SRRM4: variants seen among roughly 807,000 people sequenced by gnomAD.
The protein encoded by SRRM4 is serine/arginine repetitive matrix protein 4.
A neutral mutation model predicts 68.9 loss-of-function variants in SRRM4; 33 were observed. The ratio of observed to expected loss-of-function variants is 0.48; its 90% CI spans 0.36 to 0.64. SRRM4 has a LOEUF of 0.64. Among genes scored for constraint, SRRM4 ranks in the 30% least tolerant of loss-of-function variants. The probability of loss-of-function intolerance (pLI) is 0.00; values close to 1 mark genes in which losing one functional copy is unlikely to be tolerated. For missense variants in SRRM4, 817 were observed against 827.1 expected (o/e 0.99, Z 0.15); for synonymous variants, 318 against 318.8 (o/e 1.00, Z 0.03).
chr12:119,100,367 G>C (rs1954071469), intron 1 of SRRM4, among the ~76,000 whole-genome samples: 1 of 150,146 alleles, frequency 6.7e-6, no homozygotes, highest in African/African-American at 2.5e-5. Context: ...GTGTGTAACT[G>C]TGGTCCCAGC....
At chr12:119,052,731 T>C (rs1251617222) in intron 1 of SRRM4, among the ~76,000 whole-genome samples, 1 of 152,112 alleles carries the variant, frequency 6.6e-6, no homozygotes, top group Non-Finnish European at 1.5e-5. Flanking sequence ...GGTTTCACCG[T>C]GTTAGCCAGA....
chr12:119,041,559 T>C (rs1011352544), intron 1 of SRRM4, among the ~76,000 whole-genome samples: 15 of 152,228 alleles, frequency 9.9e-5, no homozygotes, highest in East Asian at 5.8e-4. Flanking sequence ...ATGGATCCCA[T>C]GGACATTTCA....
chr12:119,137,213 T>A (rs1014532453), intron 8 of SRRM4, among the ~76,000 whole-genome samples: 1 of 151,478 alleles, frequency 6.6e-6, no homozygotes, highest in African/African-American at 2.4e-5. Context: ...GAAAAAAAAA[T>A]GTATAGCCGC....
At chr12:118,982,084 G>A in intron 1 of SRRM4, 71 bp downstream of exon 1, 1 of 1,518,010 alleles carries the variant, frequency 6.6e-7, no homozygotes, top group East Asian at 2.5e-5. Flanking sequence ...AGAGCCCGGA[G>A]GGGTGGATGC....
intron 1 of SRRM4, among the ~76,000 whole-genome samples, chr12:118,995,654 G>A (rs568802943): frequency 2.0e-5 from 3 of 152,186 alleles, no homozygotes; most frequent in Non-Finnish European, 4.4e-5. Flanking sequence ...TTTCTTGAGT[G>A]AGAAATTTGG....
Position 119,125,484 on chromosome 12 carries a change from C to CA in SRRM4, c.614+5_614+6insA, listed in dbSNP as rs1954252549. 1 of 1,508,100 alleles carries CA rather than the reference C, an allele frequency of 6.6e-7. No homozygotes were observed. Among genetic ancestry groups the CA allele is most frequent in the African/African-American group, 1.9e-5 (1 of 53,252 alleles). 93.4% of individuals were successfully genotyped at this position (1,508,100 alleles called of 1,614,324 possible). A position where few individuals can be genotyped will look rare whatever the true frequency, so the allele number is the denominator to read the frequency against. On this transcript the variant is annotated splice_donor_region_variant and intron_variant, in intron 7 of 12. Transcript: ENST00000267260. ...CCCCTCAAGCTGTGAGAGCAGGTAA[C>CA]CCCTTGCCCCAGGATCCTCTTCTGT... is the stretch of plus-strand genomic sequence containing the variant.
intron 1 of SRRM4, among the ~76,000 whole-genome samples, chr12:119,084,881 G>A (rs1179752893): frequency 6.6e-6 from 1 of 152,140 alleles, no homozygotes; most frequent in Non-Finnish European, 1.5e-5. Flanking sequence ...GGTGAATGAT[G>A]CCAGTTTTTA....
chr12:119,149,573 C>G (rs1226863287), intron 9 of SRRM4, among the ~76,000 whole-genome samples: 1 of 151,894 alleles, frequency 6.6e-6, no homozygotes, highest in Admixed American at 6.6e-5. Flanking sequence ...CCAACCCAGA[C>G]AGGGGACGGG....
intron 1 of SRRM4, among the ~76,000 whole-genome samples, chr12:119,040,765 G>A (rs1346271970): frequency 6.6e-6 from 1 of 151,928 alleles, no homozygotes; most frequent in African/African-American, 2.4e-5. Context: ...TTATTTTGGA[G>A]GGATGGAGTC....
At chr12:119,010,427 C>T (rs1191332701) in intron 1 of SRRM4, among the ~76,000 whole-genome samples, 1 of 152,128 alleles carries the variant, frequency 6.6e-6, no homozygotes, top group East Asian at 1.9e-4. Flanking sequence ...AAGTGTCAGC[C>T]CTTACATGGG....
chr12:118,995,596 C>T (rs906691678), intron 1 of SRRM4, among the ~76,000 whole-genome samples: 11 of 152,078 alleles, frequency 7.2e-5, no homozygotes, highest in Non-Finnish European at 1.0e-4. Context: ...GAATGCTTTC[C>T]GGAAACAAGT....
At chr12:119,117,475 G>A (rs1393755112) in intron 4 of SRRM4, among the ~76,000 whole-genome samples, 2 of 152,164 alleles carry the variant, frequency 1.3e-5, no homozygotes, top group Non-Finnish European at 2.9e-5. Context: ...TTGCATGCTA[G>A]AGAATGAGAT....
chr12:119,138,847 T>C (rs1954346938), intron 8 of SRRM4, among the ~76,000 whole-genome samples: 1 of 152,060 alleles, frequency 6.6e-6, no homozygotes, highest in Non-Finnish European at 1.5e-5. Flanking sequence ...ACCCCGAAAG[T>C]AGGCTTTTAT....
intron 1 of SRRM4, among the ~76,000 whole-genome samples, chr12:119,006,534 G>T (rs1240620366): frequency 2.0e-5 from 3 of 152,142 alleles, no homozygotes; most frequent in Non-Finnish European, 4.4e-5. Context: ...CCACCCCATT[G>T]CCCTGAGCTC....
chr12:119,066,318 T>C lies in SRRM4; in HGVS notation c.132-35918T>C, dbSNP rs545672671. Among the ~76,000 whole-genome samples the C allele has an allele frequency of 5.9e-5, 9 of 152,322 alleles. No individual in the cohort carries two copies. The South Asian group carries it at 1.4e-3, about 25-fold the overall frequency. The stretch of plus-strand genomic sequence containing the variant: ...GTGTTGACATTACCAATCCCATTTA[T>C]AGATGGAAAGAAAAAACCTCAATGA... On this transcript the variant is annotated intron_variant, in intron 1 of 12. Transcript: ENST00000267260.
At chr12:118,995,682 C>T (rs1330755287) in intron 1 of SRRM4, among the ~76,000 whole-genome samples, 1 of 152,218 alleles carries the variant, frequency 6.6e-6, no homozygotes, top group Non-Finnish European at 1.5e-5. Flanking sequence ...AACTGCAACG[C>T]TTACCCCAAG....
intron 1 of SRRM4, among the ~76,000 whole-genome samples, chr12:119,061,053 G>A (rs1953808700): frequency 6.6e-6 from 1 of 152,134 alleles, no homozygotes; most frequent in South Asian, 2.1e-4. Context: ...TATGGAATGT[G>A]TGTGTGTGTG....
intron 1 of SRRM4, among the ~76,000 whole-genome samples, chr12:119,005,889 G>A (rs771663023): frequency 6.6e-6 from 1 of 152,090 alleles, no homozygotes; most frequent in Non-Finnish European, 1.5e-5. Flanking sequence ...CTTTTTGACT[G>A]TTCTGACAAC....
intron 1 of SRRM4, chr12:118,993,730 G>T (rs1358654939): frequency 5.9e-5 from 9 of 152,170 alleles, no homozygotes; most frequent in Admixed American, 5.9e-4. Context: ...TTTACAGAAG[G>T]AATCTGGCAC....
Sources: allele counts gnomAD v4.1 joint callset (sites outside exome capture counted in the v4.1 genomes callset), GRCh38; gene constraint gnomAD v4.1.1; transcripts MANE v1.5; gene names NCBI Gene and HGNC (gene_info 2026-07-23, HGNC 2026-07-21).